Variants in CRB1 observed in about 807,000 individuals in gnomAD.
CRB1 encodes the protein protein crumbs homolog 1.
In CRB1, 83 loss-of-function variants were observed where a neutral mutation model predicts 120.0. The ratio of observed to expected loss-of-function variants is 0.69; its 90% CI spans 0.58 to 0.83. The LOEUF (loss-of-function observed/expected upper bound fraction) is 0.83, where lower values mean the gene tolerates loss of function less well. Ranked by LOEUF, CRB1 falls within the 40% of genes least tolerant of loss-of-function variation. CRB1 has a pLI of 0.00. For synonymous variants in CRB1, 625 were observed against 612.5 expected (o/e 1.02, Z -0.30); for missense variants, 1,699 against 1,687.6 (o/e 1.01, Z -0.12).
At chr1:197,401,197 G>C (rs1663047643) in intron 5 of CRB1, among the ~76,000 whole-genome samples, 1 of 151,736 alleles carries the variant, frequency 6.6e-6, no homozygotes, top group South Asian at 2.1e-4. Context: ...TAGAGTGTGG[G>C]TTTTTTTAAA....
At chr1:197,300,185 CAAG>C (rs1273675073) in intron 1 of CRB1, among the ~76,000 whole-genome samples, 2 of 151,824 alleles carry the variant, frequency 1.3e-5, no homozygotes, top group Non-Finnish European at 2.9e-5. Context: ...TTTCAATGTT[CAAG>C]TGAAAGTAAG....
rs564046964 is a variant in CRB1, at chr1:197,309,335, C to A, written c.71-19087C>A. On this transcript the variant is annotated intron_variant, in intron 1 of 11. Coordinates refer to ENST00000367400, the MANE Select transcript of CRB1 (RefSeq NM_201253.3). ...TGACACACACACACACACATACACA[C>A]AGTTTCTGGTTGGTATGTGGACTAA... 4.0e-4 allele frequency among the ~76,000 whole-genome samples: 61 copies of A among 152,268 alleles called. 1 individual carries two copies. In the South Asian group the frequency reaches 0.012, roughly 31 times the overall value.
intron 1 of CRB1, among the ~76,000 whole-genome samples, chr1:197,328,126 T>C (rs1658624624): frequency 6.6e-6 from 1 of 152,234 alleles, no homozygotes; most frequent in African/African-American, 2.4e-5. Context: ...TCTATGGTAC[T>C]TTCTCTGGGA....
intron 9 of CRB1, among the ~76,000 whole-genome samples, chr1:197,436,557 G>C (rs1483707996): frequency 2.0e-5 from 3 of 151,856 alleles, no homozygotes; most frequent in African/African-American, 7.3e-5. Flanking sequence ...AAACTAGTAA[G>C]ATATAAAAAC....
At chr1:197,463,929 G>C (rs765151327) in intron 11 of CRB1, among the ~76,000 whole-genome samples, 11 of 152,116 alleles carry the variant, frequency 7.2e-5, no homozygotes, top group Non-Finnish European at 1.6e-4. Context: ...TTTACTCTGG[G>C]TTCCTGAAAC....
chr1:197,328,438 A>C lies in CRB1; in HGVS notation c.87A>C (p.Lys29Asn), dbSNP rs1658647423. The C allele has an allele frequency of 6.2e-7, 1 of 1,613,632 alleles. No homozygotes were observed. The highest frequency in any genetic ancestry group is 1.3e-5 in the African/African-American group (1 of 74,918). The part of the protein sequence containing the change: ...LIYIKNSFCN[K>N]NNTRCLSNSC... ...TCCTTGTAGATTCCTTTTGCAATAA[A>C]AACAACACCAGGTGCCTCTCAAATT... The change falls in exon 2 of 12, where the codon AAA becomes AAC. Residue 29 changes from lysine to asparagine, a missense_variant. Physicochemically the swap from Lys to Asn is moderately conservative, Grantham distance 94. Coordinates refer to ENST00000367400, the MANE Select transcript of CRB1 (RefSeq NM_201253.3).
chr1:197,280,753 G>A (rs536823668), intron 1 of CRB1, among the ~76,000 whole-genome samples: 1 of 151,916 alleles, frequency 6.6e-6, no homozygotes, highest in East Asian at 1.9e-4. Flanking sequence ...TTTTTATTAT[G>A]TCCTTTTTCT....
At chr1:197,211,691 A>G in the CRB1 span, among the ~76,000 whole-genome samples, 2 of 152,246 alleles carry the variant, frequency 1.3e-5, no homozygotes, top group Admixed American at 6.5e-5. Context: ...GGGTTATTTC[A>G]GACAATAATA....
intron 1 of CRB1, among the ~76,000 whole-genome samples, chr1:197,274,394 A>G (rs1655075100): frequency 6.6e-6 from 1 of 152,154 alleles, no homozygotes; most frequent in Non-Finnish European, 1.5e-5. Context: ...ATTATTTCAT[A>G]CATTTGTAAT....
chr1:197,319,664 T>G (rs1208493369), intron 1 of CRB1, among the ~76,000 whole-genome samples: 1 of 152,116 alleles, frequency 6.6e-6, no homozygotes, highest in Non-Finnish European at 1.5e-5. Flanking sequence ...CATTTCTCTC[T>G]TTCTTTTTTT....
chr1:197,350,025 G>A (rs989367307), intron 4 of CRB1, among the ~76,000 whole-genome samples: 7 of 151,594 alleles, frequency 4.6e-5, no homozygotes, highest in South Asian at 2.1e-4. Context: ...GCGTGAACCC[G>A]GGAAGCGGAG....
intron 1 of CRB1, among the ~76,000 whole-genome samples, chr1:197,322,304 A>G (rs1328107223): frequency 1.3e-5 from 2 of 152,010 alleles, no homozygotes; most frequent in Non-Finnish European, 2.9e-5. Flanking sequence ...TCTACTAAAA[A>G]TAGAAAAAAT....
chr1:197,394,037 C>T (rs1003649193), intron 5 of CRB1, among the ~76,000 whole-genome samples: 3 of 151,830 alleles, frequency 2.0e-5, no homozygotes, highest in Non-Finnish European at 4.4e-5. Context: ...TATAGTTGAC[C>T]CTAGAACAAC....
At chr1:197,424,914 T>C (rs891527481) in intron 6 of CRB1, among the ~76,000 whole-genome samples, 7 of 152,246 alleles carry the variant, frequency 4.6e-5, no homozygotes, top group Admixed American at 2.0e-4. Context: ...CCAAGTCATA[T>C]GTCTTCAGGT....
intron 1 of CRB1, among the ~76,000 whole-genome samples, chr1:197,306,985 G>C (rs1411805340): frequency 1.3e-5 from 2 of 152,048 alleles, no homozygotes; most frequent in African/African-American, 4.8e-5. Flanking sequence ...CCCTCTTATA[G>C]TAAAAACAAA....
At chr1:197,237,474 C>A in the CRB1 span, among the ~76,000 whole-genome samples, 1 of 152,126 alleles carries the variant, frequency 6.6e-6, no homozygotes, top group East Asian at 1.9e-4. Flanking sequence ...TTCACAAGGG[C>A]CCCACCTCTT....
intron 5 of CRB1, among the ~76,000 whole-genome samples, chr1:197,370,050 C>T (rs1026551811): frequency 1.3e-5 from 2 of 152,052 alleles, no homozygotes; most frequent in African/African-American, 4.8e-5. Flanking sequence ...CGAAACTGAG[C>T]CTCATAAATG....
chr1:197,451,374 A>G (rs1394790703), intron 11 of CRB1, among the ~76,000 whole-genome samples: 1 of 152,222 alleles, frequency 6.6e-6, no homozygotes, highest in Non-Finnish European at 1.5e-5. Flanking sequence ...ACAGGGCTAA[A>G]TAATTGGCCG....
chr1:197,317,502 A>G (rs553229827), intron 1 of CRB1, among the ~76,000 whole-genome samples: 3 of 152,274 alleles, frequency 2.0e-5, no homozygotes, highest in Non-Finnish European at 4.4e-5. Context: ...AAATCTTAAA[A>G]TTTGTGTGCA....
Sources: gnomAD v4.1 joint callset for allele counts (sites outside exome capture counted in the v4.1 genomes callset) on GRCh38, gnomAD v4.1.1 for gene constraint, MANE v1.5 for transcripts, NCBI Gene and HGNC (gene_info 2026-07-23, HGNC 2026-07-21) for gene names.